Variants in CCDC148 observed in about 807,000 individuals in gnomAD.
CCDC148 encodes the protein coiled-coil domain-containing protein 148.
In CCDC148, 89 loss-of-function variants were observed where a neutral mutation model predicts 85.7. The ratio of observed to expected loss-of-function variants is 1.04; its 90% CI spans 0.87 to 1.24. CCDC148 has a LOEUF of 1.24. Among genes scored for constraint, CCDC148 ranks in the 50% most tolerant of loss-of-function variants. CCDC148 has a pLI of 0.00. For missense variants in CCDC148, 692 were observed against 671.7 expected, an observed-to-expected ratio of 1.03 and a Z score of -0.33; for synonymous variants, 230 against 213.9, an observed-to-expected ratio of 1.08 and a Z score of -0.66.
intron 9 of CCDC148, among the ~76,000 whole-genome samples, chr2:158,277,666 G>A (rs942291932): frequency 8.6e-5 from 13 of 151,630 alleles, no homozygotes; most frequent in African/African-American, 2.4e-4. Context: ...GCGTGATCTC[G>A]CCTCACTGTA....
At chr2:158,343,701 T>C (rs1038898664) in intron 3 of CCDC148, among the ~76,000 whole-genome samples, 2 of 152,238 alleles carry the variant, frequency 1.3e-5, no homozygotes, top group African/African-American at 2.4e-5. Flanking sequence ...TAACTACTTC[T>C]AATTTGTTGG....
chr2:158,346,295 T>C lies in CCDC148; in HGVS notation c.148-977A>G, dbSNP rs369788167. 9.2e-5 allele frequency among the ~76,000 whole-genome samples: 14 copies of C among 152,340 alleles called. 2 individuals carry two copies. The highest frequency in any genetic ancestry group is 6.5e-4 in the Admixed American group (10 of 15,302). On this transcript the variant is annotated intron_variant, in intron 2 of 13. Transcript: ENST00000283233. ...GGAGAAGCCAAAGGATTATGTCATC[T>C]TGCCTTCTCTACTCTCACAGTCTCT...
At chr2:158,313,267 C>A (rs574818478) in intron 8 of CCDC148, among the ~76,000 whole-genome samples, 228 of 152,262 alleles carry the variant, frequency 1.5e-3, no homozygotes, top group African/African-American at 5.3e-3. Context: ...TCAGATCCAA[C>A]TAGGAGGATC....
rs750698110 is a variant in CCDC148, at chr2:158,338,878, A to T, written c.612T>A (p.Thr204=). The change falls in exon 7 of 14, where the codon ACT becomes ACA. Residue 204 remains threonine, a synonymous_variant. Coordinates refer to ENST00000283233, the MANE Select transcript of CCDC148 (RefSeq NM_138803.4). ...KILDHSLEEK[T]NPLSELPIEL... ...CAATGGGCAGTTCACTAAGCGGGTT[A>T]GTCTTTTCTTCCAAAGAATGATCTA... 2.7e-5 allele frequency: 43 copies of T among 1,607,408 alleles called. No individual in the cohort carries two copies. Among genetic ancestry groups the T allele is most frequent in the Non-Finnish European group, 3.5e-5 (41 of 1,178,398 alleles).
In CCDC148 at chr2:158,197,260, T is replaced by G. The variant is rs571145071; in HGVS notation, c.1371-18264A>C. Among the ~76,000 whole-genome samples, 25 of 152,270 alleles carry G rather than the reference T, an allele frequency of 1.6e-4. 1 individual carries two copies. The highest frequency in any genetic ancestry group is 1.3e-3 in the East Asian group (7 of 5,186). Reference sequence around the variant, plus strand: ...AATTATCTGAAGGTTTTATTTCTCCTAAAGTTTTTTTTAATCAACATTTTA... The same window carrying G: ...AATTATCTGAAGGTTTTATTTCTCCGAAAGTTTTTTTTAATCAACATTTTA... On this transcript the variant is annotated intron_variant, in intron 11 of 13. Transcript: ENST00000283233.
intron 9 of CCDC148, among the ~76,000 whole-genome samples, chr2:158,265,180 C>T (rs1365541111): frequency 1.3e-5 from 2 of 151,988 alleles, no homozygotes; most frequent in Non-Finnish European, 2.9e-5. Context: ...ATCTAATTGC[C>T]GCTTATGCTA....
intron 1 of CCDC148, among the ~76,000 whole-genome samples, chr2:158,390,353 A>G (rs1285445983): frequency 4.6e-5 from 7 of 152,152 alleles, no homozygotes; most frequent in Non-Finnish European, 8.8e-5. Context: ...GGCCAGGAAG[A>G]GAGTTAAGAA....
intron 1 of CCDC148, among the ~76,000 whole-genome samples, chr2:158,361,274 TC>T (rs1683933706): frequency 6.6e-6 from 1 of 151,956 alleles, no homozygotes; most frequent in African/African-American, 2.4e-5. Context: ...CAGGAGAACT[TC>T]CACAACCAAG....
At chr2:158,449,827 G>A (rs1688322057) in intron 1 of CCDC148, among the ~76,000 whole-genome samples, 1 of 152,192 alleles carries the variant, frequency 6.6e-6, no homozygotes, top group African/African-American at 2.4e-5. Context: ...TAGAAGGAAA[G>A]CATGGAGTCT....
rs145865235 is a variant in CCDC148, at chr2:158,399,377, A to G, written c.26-40807T>C. Among the ~76,000 whole-genome samples the G allele has an allele frequency of 5.5e-3, 845 of 152,326 alleles. 4 individuals carry two copies. The highest frequency in any genetic ancestry group is 7.6e-3 in the Non-Finnish European group (519 of 68,028). ...TGAATATCAATGGGAAAAATCCTCA[A>G]TAAAGTACTGGCAAACCAAATCCAG... On this transcript the variant is annotated intron_variant, in intron 1 of 13. Coordinates refer to ENST00000283233, the MANE Select transcript of CCDC148 (RefSeq NM_138803.4).
intron 1 of CCDC148, among the ~76,000 whole-genome samples, chr2:158,364,406 A>C (rs760813510): frequency 6.6e-6 from 1 of 152,236 alleles, no homozygotes; most frequent in Non-Finnish European, 1.5e-5. Context: ...CCTGACCTCA[A>C]ACTATACTAA....
chr2:158,353,367 A>G (rs1683431133), intron 2 of CCDC148, among the ~76,000 whole-genome samples: 1 of 150,740 alleles, frequency 6.6e-6, no homozygotes, highest in South Asian at 2.1e-4. Context: ...GCTGAAAATA[A>G]AAGGATGGAG....
At chr2:158,254,486 T>C (rs1050056582) in intron 9 of CCDC148, among the ~76,000 whole-genome samples, 5 of 151,616 alleles carry the variant, frequency 3.3e-5, no homozygotes, top group Non-Finnish European at 7.4e-5. Context: ...AGTTAGGTGA[T>C]GATAGACTTT....
intron 1 of CCDC148, among the ~76,000 whole-genome samples, chr2:158,449,217 C>T (rs1051478349): frequency 7.9e-5 from 12 of 152,062 alleles, no homozygotes; most frequent in African/African-American, 2.9e-4. Flanking sequence ...TATTCTGTGA[C>T]CTTGTTAAAT....
chr2:158,284,041 C>A (rs941766466), intron 9 of CCDC148, among the ~76,000 whole-genome samples: 1 of 148,156 alleles, frequency 6.7e-6, no homozygotes, highest in African/African-American at 2.5e-5. Context: ...AAACCAAACA[C>A]CGCATATTCT....
At chr2:158,199,074 A>G (rs1456253664) in intron 11 of CCDC148, among the ~76,000 whole-genome samples, 2 of 152,130 alleles carry the variant, frequency 1.3e-5, no homozygotes, top group African/African-American at 4.8e-5. Flanking sequence ...GGGAGAACAG[A>G]AGAGTGTCAT....
chr2:158,396,976 A>G (rs1182899316), intron 1 of CCDC148, among the ~76,000 whole-genome samples: 1 of 152,052 alleles, frequency 6.6e-6, no homozygotes, highest in Non-Finnish European at 1.5e-5. Flanking sequence ...CTTATGGAAT[A>G]TGGAGTCTTT....
chr2:158,371,671 C>T (rs1017619441), intron 1 of CCDC148, among the ~76,000 whole-genome samples: 3 of 149,314 alleles, frequency 2.0e-5, no homozygotes, highest in African/African-American at 7.4e-5. Context: ...TGTTCATATA[C>T]ATATATATAT....
intron 2 of CCDC148, among the ~76,000 whole-genome samples, chr2:158,351,408 C>G (rs1683274012): frequency 6.6e-6 from 1 of 152,132 alleles, no homozygotes; most frequent in African/African-American, 2.4e-5. Context: ...CAGGGCGAGG[C>G]ACTGCCTCAC....
Sources: allele counts gnomAD v4.1 joint callset (sites outside exome capture counted in the v4.1 genomes callset), GRCh38; gene constraint gnomAD v4.1.1; transcripts MANE v1.5; gene names NCBI Gene and HGNC (gene_info 2026-07-23, HGNC 2026-07-21).